Variants in SLC14A2 observed in about 807,000 individuals in gnomAD.
SLC14A2 encodes the protein urea transporter 2.
A neutral mutation model predicts 104.6 loss-of-function variants in SLC14A2; 91 were observed. The ratio of observed to expected loss-of-function variants is 0.87; its 90% CI spans 0.73 to 1.04. The LOEUF (loss-of-function observed/expected upper bound fraction) is 1.04. SLC14A2 is among the 50% of genes least tolerant of loss of function. The pLI is 0.00. For missense variants in SLC14A2, 1,189 were observed against 1,156.0 expected, an observed-to-expected ratio of 1.03 and a Z score of -0.41; for synonymous variants, 476 against 466.4, an observed-to-expected ratio of 1.02 and a Z score of -0.27.
chr18:45,666,416 A>G (rs796781853), intron 12 of SLC14A2, among the ~76,000 whole-genome samples, 197 bp downstream of exon 12: 1 of 152,192 alleles, frequency 6.6e-6, no homozygotes. Flanking sequence ...TATTCCTTGT[A>G]TTTGAATTAT....
intron 16 of SLC14A2, among the ~76,000 whole-genome samples, chr18:45,672,512 A>G (rs1193473170): frequency 6.6e-6 from 1 of 151,392 alleles, no homozygotes; most frequent in African/African-American, 2.4e-5. Context: ...CTGGGCAACA[A>G]GAGCGAAACT....
At chr18:45,427,853 A>G (rs1351203940) in intron 1 of SLC14A2, among the ~76,000 whole-genome samples, 13 of 152,164 alleles carry the variant, frequency 8.5e-5, no homozygotes, top group Non-Finnish European at 4.4e-5. Context: ...TTTGGCTGCC[A>G]ATGATGTGAT....
chr18:45,333,111 G>C (rs886500011), intron 1 of SLC14A2, among the ~76,000 whole-genome samples: 8 of 152,084 alleles, frequency 5.3e-5, no homozygotes, highest in African/African-American at 1.9e-4. Flanking sequence ...AGAGTGTTTA[G>C]GGTGGTTTGT....
chr18:45,209,107 C>T (rs1253938045), upstream of SLC14A2, among the ~76,000 whole-genome samples: 6 of 145,206 alleles, frequency 4.1e-5, no homozygotes, highest in Non-Finnish European at 7.5e-5. Context: ...GAGGCTGAGG[C>T]GGGCGGATCA....
At chr18:45,372,298 G>A (rs1392014520) in intron 1 of SLC14A2, among the ~76,000 whole-genome samples, 2 of 147,104 alleles carry the variant, frequency 1.4e-5, no homozygotes, top group Non-Finnish European at 3.0e-5. Context: ...GACAACAAGT[G>A]AGACCCTGTC....
At chr18:45,518,061 G>C (rs1207702007) in intron 2 of SLC14A2, among the ~76,000 whole-genome samples, 2 of 152,098 alleles carry the variant, frequency 1.3e-5, no homozygotes, top group African/African-American at 4.8e-5. Flanking sequence ...ACAACATCTA[G>C]ATTCAGTCTG....
intron 1 of SLC14A2, among the ~76,000 whole-genome samples, chr18:45,448,930 C>A (rs2086814346): frequency 6.6e-6 from 1 of 152,130 alleles, no homozygotes. Context: ...CCTTTCTGAT[C>A]AGGAGAGAGA....
intron 1 of SLC14A2, among the ~76,000 whole-genome samples, chr18:45,407,826 C>T (rs1435039339): frequency 6.6e-6 from 1 of 152,200 alleles, no homozygotes; most frequent in East Asian, 1.9e-4. Context: ...ATTAAGTTCA[C>T]AATCCTATTT....
Position 45,479,768 on chromosome 18 carries a change from T to C in SLC14A2, c.-124-3465T>C, listed in dbSNP as rs145056249. On this transcript the variant is annotated intron_variant, in intron 1 of 20. Transcript: ENST00000586448. ...CTTCAGAAAATTAAAGGCATAATGA[T>C]GCTGTTCTCCCCCTGTTTTGGTAAG... Among the ~76,000 whole-genome samples the C allele has an allele frequency of 1.3e-4, 20 of 152,338 alleles. No individual in the cohort carries two copies. In the East Asian group the frequency reaches 2.9e-3, roughly 22 times the overall value.
intron 1 of SLC14A2, among the ~76,000 whole-genome samples, chr18:45,321,647 A>G (rs2085186421): frequency 6.6e-6 from 1 of 152,206 alleles, no homozygotes; most frequent in South Asian, 2.1e-4. Flanking sequence ...CGCCCGTGCT[A>G]TTATAAAGAA....
intron 1 of SLC14A2, among the ~76,000 whole-genome samples, chr18:45,459,784 T>C (rs1261941841): frequency 6.6e-6 from 1 of 152,184 alleles, no homozygotes; most frequent in East Asian, 1.9e-4. Context: ...GATCATGCCT[T>C]TGAGGGTAGC....
chr18:45,561,742 G>C (rs189459341), intron 2 of SLC14A2, among the ~76,000 whole-genome samples: 1 of 151,994 alleles, frequency 6.6e-6, no homozygotes. Flanking sequence ...TTTTTCATCC[G>C]TGTGTTCTCA....
intron 1 of SLC14A2, among the ~76,000 whole-genome samples, chr18:45,294,301 A>G (rs1364172924): frequency 6.6e-6 from 1 of 152,232 alleles, no homozygotes; most frequent in Non-Finnish European, 1.5e-5. Flanking sequence ...CATAGGGCCT[A>G]AACTAATTTA....
chr18:45,671,755 C>T (rs190935379), intron 16 of SLC14A2, among the ~76,000 whole-genome samples: 4 of 152,294 alleles, frequency 2.6e-5, no homozygotes, highest in African/African-American at 7.2e-5. Context: ...CCCGGCCACG[C>T]GCAGAGGGAA....
intron 2 of SLC14A2, among the ~76,000 whole-genome samples, chr18:45,567,314 G>T (rs10502867): frequency 3.3e-5 from 5 of 151,880 alleles, no homozygotes; most frequent in Admixed American, 3.3e-4. Context: ...AGACAGAGAC[G>T]CTGGCCCAGA....
At chr18:45,431,576 T>A in intron 1 of SLC14A2, among the ~76,000 whole-genome samples, 1 of 152,204 alleles carries the variant, frequency 6.6e-6, no homozygotes. Flanking sequence ...AATAGCACTT[T>A]AGGGGACACT....
chr18:45,634,977 T>C (rs752751646), intron 5 of SLC14A2: 5 of 398,114 alleles, frequency 1.3e-5, no homozygotes, highest in Non-Finnish European at 2.5e-5. Flanking sequence ...CTGGGGTATA[T>C]TTTAAAGAAG....
chr18:45,448,569 A>C (rs992732592), intron 1 of SLC14A2, among the ~76,000 whole-genome samples: 3 of 152,300 alleles, frequency 2.0e-5, no homozygotes, highest in African/African-American at 7.2e-5. Context: ...ATTTTAGATA[A>C]AACCTAGAGC....
intron 1 of SLC14A2, among the ~76,000 whole-genome samples, chr18:45,240,768 C>A (rs2144049101): frequency 6.6e-6 from 1 of 152,040 alleles, no homozygotes; most frequent in South Asian, 2.1e-4. Context: ...AGCTATTCTC[C>A]TGCCTCAGCC....
Sources: gnomAD v4.1 joint callset for allele counts (sites outside exome capture counted in the v4.1 genomes callset) on GRCh38, gnomAD v4.1.1 for gene constraint, MANE v1.5 for transcripts, NCBI Gene and HGNC (gene_info 2026-07-23, HGNC 2026-07-21) for gene names.